The following BAHD1 variants were observed in gnomAD, a reference collection of about 807,000 sequenced individuals.
BAHD1 encodes bromo adjacent homology domain-containing 1 protein.
Under a neutral mutation model 63.1 loss-of-function variants are expected in BAHD1, and 20 were observed. The observed-to-expected ratio is 0.32, with a 90% CI of 0.22 to 0.46. BAHD1 has a LOEUF of 0.46. Among genes scored for constraint, BAHD1 ranks in the 20% least tolerant of loss-of-function variants. The pLI is 1.00. For missense variants in BAHD1, 939 were observed against 1,071.8 expected, an observed-to-expected ratio of 0.88 and a Z score of 1.73; for synonymous variants, 408 against 426.8, an observed-to-expected ratio of 0.96 and a Z score of 0.54.
At chr15:40,437,687 G>A (rs964733528), upstream of BAHD1, among the ~76,000 whole-genome samples, 2 of 152,250 alleles carry the variant, frequency 1.3e-5, no homozygotes, top group Non-Finnish European at 2.9e-5. Flanking sequence ...GCTGGAGGGA[G>A]GAGAAAGTGG....
chr15:40,442,967 C>A (rs1251013688), intron 1 of BAHD1, among the ~76,000 whole-genome samples: 1 of 152,218 alleles, frequency 6.6e-6, no homozygotes, highest in Non-Finnish European at 1.5e-5. Context: ...CTCCATCTCC[C>A]CCGGTGACCA....
At chr15:40,465,059 C>T (rs778552252) in intron 5 of BAHD1, 4 of 485,372 alleles carry the variant, frequency 8.2e-6, no homozygotes, top group Non-Finnish European at 1.5e-5. Flanking sequence ...GAACATTTCC[C>T]CTCTCCTACG....
intron 1 of BAHD1, among the ~76,000 whole-genome samples, chr15:40,452,713 C>T (rs1224463255): frequency 6.6e-6 from 1 of 152,160 alleles, no homozygotes; most frequent in African/African-American, 2.4e-5. Flanking sequence ...TTCAGCCCGG[C>T]GTGAAGCACC....
At chr15:40,439,384 T>C (rs1397686938), upstream of BAHD1, among the ~76,000 whole-genome samples, 2 of 152,182 alleles carry the variant, frequency 1.3e-5, no homozygotes, top group Admixed American at 1.3e-4. Flanking sequence ...CCAGCCATAT[T>C]GGCTAGCAGC....
upstream of BAHD1, chr15:40,439,758 G>GTGAA (rs1479193515): frequency 3.3e-5 from 5 of 152,372 alleles, no homozygotes; most frequent in East Asian, 7.7e-4. Context: ...CCCGGGCTTA[G>GTGAA]TGAAGTCCTA....
intron 1 of BAHD1, chr15:40,443,290 AC>A: frequency 1.0e-6 from 1 of 985,284 alleles, no homozygotes; most frequent in Non-Finnish European, 1.2e-6. Context: ...AATGATCTAG[AC>A]CCCAGCCTGG....
At position 40,442,650 on chromosome 15, in the gene BAHD1, A is replaced by C. The variant is rs977204840; in HGVS notation, c.-15+1382A>C. Among the ~76,000 whole-genome samples the C allele has an allele frequency of 2.6e-5, 4 of 151,964 alleles. No homozygotes were observed. The East Asian group carries it at 5.8e-4, about 22-fold the overall frequency. ...GTTTGATTAGGACAAGAGACACCCC[A>C]CCCCGTGGGCTCCCGCCAGCCCTCC... On this transcript the variant is annotated intron_variant, in intron 1 of 6. Transcript: ENST00000416165.
intron 6 of BAHD1, 117 bp from the exon 7 acceptor site, chr15:40,465,824 C>G (rs1436231829): frequency 9.3e-7 from 1 of 1,069,750 alleles, no homozygotes; most frequent in African/African-American, 1.6e-5. Context: ...GACAGTACCA[C>G]CCCTTGGGGA....
chr15:40,466,266 G>T lies in BAHD1; in HGVS notation c.*136G>T, dbSNP rs1031254602. On this transcript the variant is annotated 3_prime_UTR_variant, in exon 7 of 7. Coordinates refer to ENST00000416165, the MANE Select transcript of BAHD1 (RefSeq NM_014952.5). Reference sequence around the variant, plus strand: ...GCCTGTGGTTTTCTTGGGGGGGAGGGCAGGGGCCCCTGTGGGTTCTGGGCT... The same window carrying T: ...GCCTGTGGTTTTCTTGGGGGGGAGGTCAGGGGCCCCTGTGGGTTCTGGGCT... The T allele has an allele frequency of 1.4e-5, 9 of 654,504 alleles. No homozygotes were observed. In the African/African-American group the frequency reaches 1.5e-4, roughly 11 times the overall value. The allele number at this position is 654,504 out of a possible 1,614,324, so 40.5% of individuals were successfully genotyped here.
At chr15:40,462,363 T>G in intron 3 of BAHD1, 69 bp downstream of exon 3, 1 of 1,533,036 alleles carries the variant, frequency 6.5e-7, no homozygotes, top group South Asian at 1.2e-5. Flanking sequence ...TGCAGTGAGG[T>G]AGGTGCTAGA....
chr15:40,444,854 C>G (rs1450260219), intron 1 of BAHD1, among the ~76,000 whole-genome samples: 1 of 152,128 alleles, frequency 6.6e-6, no homozygotes, highest in Non-Finnish European at 1.5e-5. Flanking sequence ...TCCCCCAAAC[C>G]TCCCTTTTGT....
chr15:40,454,991 G>A (rs1031203937), intron 1 of BAHD1, among the ~76,000 whole-genome samples: 3 of 152,160 alleles, frequency 2.0e-5, no homozygotes, highest in African/African-American at 7.2e-5. Context: ...TTGCAGCCGA[G>A]CTTCTTGTTT....
chr15:40,462,318 G>GA, intron 3 of BAHD1, 24 bp downstream of exon 3: 1 of 1,573,148 alleles, frequency 6.4e-7, no homozygotes, highest in African/African-American at 1.3e-5. Flanking sequence ...CTTAGCTGAT[G>GA]ACGAGAGGGA....
At chr15:40,454,675 G>C (rs1893798566) in intron 1 of BAHD1, 1 of 152,198 alleles carries the variant, frequency 6.6e-6, no homozygotes. Flanking sequence ...CCCTCCTAGA[G>C]ACCTTCCCAA....
Position 40,459,688 on chromosome 15 carries a change from T to G in BAHD1, c.1224T>G (p.Ala408=). Residue 408 remains alanine, a synonymous_variant, in exon 2 of 7, where the codon GCT becomes GCG. Coordinates refer to ENST00000416165, the MANE Select transcript of BAHD1 (RefSeq NM_014952.5). ...CTGAGGGCAAGCTGTCCCCAGTGGC[T>G]GCACCTCACGAGGAGGGGCTCCTCT... ...MLPEGKLSPV[A]APHEEGLLLA... is the part of the protein sequence containing the mutation. The G allele has an allele frequency of 6.2e-7, 1 of 1,614,024 alleles. No individual in the cohort carries two copies. Among genetic ancestry groups the G allele is most frequent in the South Asian group, 1.1e-5 (1 of 91,080 alleles).
At chr15:40,451,694 C>T (rs972347754) in intron 1 of BAHD1, among the ~76,000 whole-genome samples, 3 of 152,254 alleles carry the variant, frequency 2.0e-5, no homozygotes, top group Non-Finnish European at 4.4e-5. Context: ...GGGTCTCCCT[C>T]TGCTGTGGGG....
intron 5 of BAHD1, 21 bp downstream of exon 5, chr15:40,464,568 G>A: frequency 6.2e-7 from 1 of 1,603,752 alleles, no homozygotes; most frequent in Non-Finnish European, 8.5e-7. Context: ...TGGCAGATGG[G>A]TCAGGGAGGG....
At chr15:40,465,523 C>G in intron 6 of BAHD1, 88 bp downstream of exon 6, 2 of 986,110 alleles carry the variant, frequency 2.0e-6, no homozygotes, top group South Asian at 1.4e-5. Flanking sequence ...CCGAGAGGAT[C>G]TCATTCTGCT....
chr15:40,463,747 A>G, intron 3 of BAHD1, 114 bp from the exon 4 acceptor site: 1 of 1,196,954 alleles, frequency 8.4e-7, no homozygotes, highest in Non-Finnish European at 1.2e-6. Context: ...GACAAAACCA[A>G]GGTAGTGGTT....
Sources: gnomAD v4.1 joint callset for allele counts (sites outside exome capture counted in the v4.1 genomes callset) on GRCh38, gnomAD v4.1.1 for gene constraint, MANE v1.5 for transcripts, NCBI Gene and HGNC (gene_info 2026-07-23, HGNC 2026-07-21) for gene names.